The following MAP3K7 variants were observed in gnomAD, a reference collection of about 807,000 sequenced individuals.
MAP3K7 encodes the protein TGF-beta activated kinase 1.
A neutral mutation model predicts 84.8 loss-of-function variants in MAP3K7; 21 were observed. The observed-to-expected ratio is 0.25, with a 90% CI of 0.18 to 0.36. The LOEUF is 0.36. Ranked by LOEUF, MAP3K7 falls within the 10% of genes least tolerant of loss-of-function variation. The probability of loss-of-function intolerance (pLI) is 1.00; values close to 1 mark genes in which losing one functional copy is unlikely to be tolerated. For missense variants in MAP3K7, 503 were observed against 747.7 expected (o/e 0.67, Z 3.82); for synonymous variants, 241 against 247.7 (o/e 0.97, Z 0.25).
chr6:90,564,782 A>C (rs1776647064), intron 3 of MAP3K7, among the ~76,000 whole-genome samples: 1 of 152,216 alleles, frequency 6.6e-6, no homozygotes, highest in South Asian at 2.1e-4. Context: ...TCTCAGCACC[A>C]CATTGCACTT....
intron 13 of MAP3K7, among the ~76,000 whole-genome samples, chr6:90,534,099 A>C (rs1775589958): frequency 6.6e-6 from 1 of 152,184 alleles, no homozygotes; most frequent in Non-Finnish European, 1.5e-5. Context: ...GGAAATTCTA[A>C]GTGGTTTTAC....
At chr6:90,532,585 C>T (rs545332834) in intron 13 of MAP3K7, among the ~76,000 whole-genome samples, 1 of 152,294 alleles carries the variant, frequency 6.6e-6, no homozygotes, top group African/African-American at 2.4e-5. Flanking sequence ...TATCATCTTG[C>T]AGTCGTAATT....
At chr6:90,577,936 G>A (rs572694188) in intron 1 of MAP3K7, among the ~76,000 whole-genome samples, 31 of 152,308 alleles carry the variant, frequency 2.0e-4, no homozygotes, top group Admixed American at 1.0e-3. Context: ...AGACCAGAGA[G>A]CTCTCCCTTG....
In MAP3K7 at chr6:90,518,548, G is replaced by A; in HGVS notation, c.1539C>T (p.Cys513=). Residue 513 remains cysteine (C), a synonymous_variant, in exon 16 of 17, where the codon TGC becomes TGT. Transcript: ENST00000369329. Reference sequence around the variant, plus strand: ...CTGCCATAGATTCTTTGGAGTTTGGGCACGGTGCTAGAGGCTGAAAATAAT... The same window carrying A: ...CTGCCATAGATTCTTTGGAGTTTGGACACGGTGCTAGAGGCTGAAAATAAT... ...LDHQLQPLAP[C]PNSKESMAVF... 6.3e-7 allele frequency: 1 copy of A among 1,594,282 alleles called. No individual in the cohort carries two copies. Among genetic ancestry groups the A allele is most frequent in the Non-Finnish European group, 8.6e-7 (1 of 1,163,612 alleles).
At chr6:90,578,733 A>G (rs570043272) in intron 1 of MAP3K7, among the ~76,000 whole-genome samples, 1 of 152,268 alleles carries the variant, frequency 6.6e-6, no homozygotes, top group Non-Finnish European at 1.5e-5. Flanking sequence ...TCTAAGGGAG[A>G]AGTCTGAATG....
chr6:90,527,529 C>G (rs181744723), intron 13 of MAP3K7, among the ~76,000 whole-genome samples: 1 of 152,014 alleles, frequency 6.6e-6, no homozygotes, highest in African/African-American at 2.4e-5. Context: ...AGCCTCCTAA[C>G]GTGCTGGGAT....
intron 6 of MAP3K7, among the ~76,000 whole-genome samples, chr6:90,556,165 C>T (rs1449586906): frequency 2.6e-5 from 4 of 152,148 alleles, no homozygotes; most frequent in East Asian, 1.9e-4. Context: ...ACACTGTCTG[C>T]GAGTACATGA....
chr6:90,520,255 G>A (rs757447455), intron 14 of MAP3K7, among the ~76,000 whole-genome samples: 1 of 151,988 alleles, frequency 6.6e-6, no homozygotes, highest in Non-Finnish European at 1.5e-5. Flanking sequence ...CCTTGAAGGA[G>A]TGGTGTGGAT....
intron 1 of MAP3K7, among the ~76,000 whole-genome samples, chr6:90,572,184 A>C (rs933022302): frequency 6.6e-6 from 1 of 152,120 alleles, no homozygotes; most frequent in Non-Finnish European, 1.5e-5. Context: ...AAGCAGGAAC[A>C]TATAATAAAT....
intron 11 of MAP3K7, 112 bp downstream of exon 11, chr6:90,547,146 C>T (rs878987837): frequency 6.8e-6 from 8 of 1,169,084 alleles, no homozygotes; most frequent in Non-Finnish European, 9.6e-6. Flanking sequence ...AACCTACTTC[C>T]TATTTAAAAA....
intron 3 of MAP3K7, among the ~76,000 whole-genome samples, chr6:90,565,940 T>G (rs1175965906): frequency 6.6e-6 from 1 of 152,110 alleles, no homozygotes; most frequent in East Asian, 1.9e-4. Flanking sequence ...ATCCATCATA[T>G]AAACAGAACC....
In MAP3K7 at chr6:90,550,426, A is replaced by T. The variant is rs202216558; in HGVS notation, c.949+42T>A. The T allele has an allele frequency of 4.1e-5, 54 of 1,301,852 alleles. No homozygotes were observed. The African/African-American group carries it at 6.5e-4, about 16-fold the overall frequency. The allele number at this position is 1,301,852 out of a possible 1,614,324, so 80.6% of individuals were successfully genotyped here. A position where few individuals can be genotyped will look rare whatever the true frequency, so the allele number is the denominator to read the frequency against. On this transcript the variant is annotated intron_variant, in intron 9 of 16. Coordinates refer to ENST00000369329, the MANE Select transcript of MAP3K7 (RefSeq NM_145331.3). ...TTATAATTTCATGGGAATAGAGATGAAAGAAAAATCAAGTCAATACTCTTC... is the reference window on the plus strand; with the variant it reads ...TTATAATTTCATGGGAATAGAGATGTAAGAAAAATCAAGTCAATACTCTTC...
At chr6:90,582,293 T>C (rs886190126) in intron 1 of MAP3K7, among the ~76,000 whole-genome samples, 6 of 152,224 alleles carry the variant, frequency 3.9e-5, no homozygotes, top group Admixed American at 1.3e-4. Flanking sequence ...TTTTATCACA[T>C]GTAATATAAG....
Position 90,533,707 on chromosome 6 carries a change from T to A in MAP3K7, c.1356+2630A>T, listed in dbSNP as rs115563708. The stretch of plus-strand genomic sequence containing the variant: ...CTTTTATCACGGTCTCAGCATTATC[T>A]TGTCTGATATTGGTGTTCTGAGAGA... On this transcript the variant is annotated intron_variant, in intron 13 of 16. Transcript: ENST00000369329. Among the ~76,000 whole-genome samples, 489 of 152,302 alleles carry A rather than the reference T, an allele frequency of 3.2e-3. 2 individuals carry two copies. Among genetic ancestry groups the A allele is most frequent in the African/African-American group, 0.011 (464 of 41,580 alleles).
chr6:90,583,129 C>T (rs373599354), intron 1 of MAP3K7, among the ~76,000 whole-genome samples: 11 of 152,174 alleles, frequency 7.2e-5, no homozygotes, highest in Middle Eastern at 6.8e-3. Context: ...GTGATCTGCC[C>T]GCACTGGCCC....
At position 90,547,429 on chromosome 6, in the gene MAP3K7, A is replaced by G. The variant is rs372864512; in HGVS notation, c.1081-42T>C. ...TCAATCTGAATTACTGAAGTTCTTT[A>G]GATTTAGCAATCTTAGGCAACCTAA... On this transcript the variant is annotated intron_variant, in intron 10 of 16. Coordinates refer to ENST00000369329, the MANE Select transcript of MAP3K7 (RefSeq NM_145331.3). 9 of 1,599,434 alleles carry G rather than the reference A, an allele frequency of 5.6e-6. No homozygotes were observed. The African/African-American group carries it at 1.1e-4, about 19-fold the overall frequency.
intron 12 of MAP3K7, among the ~76,000 whole-genome samples, chr6:90,543,090 GGTAT>G (rs3073576): frequency 0.66 from 99,406 of 151,480 alleles, 32,878 homozygotes; most frequent in Middle Eastern, 0.74. Flanking sequence ...ACAGTTCAGC[GGTAT>G]GTAAGTTTAA....
chr6:90,549,809 A>G (rs1364289849), intron 9 of MAP3K7, among the ~76,000 whole-genome samples: 1 of 152,208 alleles, frequency 6.6e-6, no homozygotes, highest in Non-Finnish European at 1.5e-5. Context: ...AAAATAAATA[A>G]AACTATTCTT....
intron 14 of MAP3K7, among the ~76,000 whole-genome samples, chr6:90,520,319 A>G (rs1388410889): frequency 6.6e-6 from 1 of 152,042 alleles, no homozygotes; most frequent in Non-Finnish European, 1.5e-5. Flanking sequence ...AAAAAACTCA[A>G]GAAGGGTTGC....
Sources: gnomAD v4.1 joint callset for allele counts (sites outside exome capture counted in the v4.1 genomes callset) on GRCh38, gnomAD v4.1.1 for gene constraint, MANE v1.5 for transcripts, NCBI Gene and HGNC (gene_info 2026-07-23, HGNC 2026-07-21) for gene names.